CTNNA2: variants seen among roughly 807,000 people sequenced by gnomAD.
The protein encoded by CTNNA2 is catenin alpha-2.
A neutral mutation model predicts 101.0 loss-of-function variants in CTNNA2; 42 were observed. The ratio of observed to expected loss-of-function variants is 0.42; its 90% CI spans 0.32 to 0.54. CTNNA2 has a LOEUF of 0.54. CTNNA2 is among the 20% of genes least tolerant of loss of function. The probability of loss-of-function intolerance (pLI) is 0.14; values close to 1 mark genes in which losing one functional copy is unlikely to be tolerated. For synonymous variants in CTNNA2, 450 were observed against 456.4 expected (o/e 0.99, Z 0.18); for missense variants, 871 against 1,223.1 (o/e 0.71, Z 4.29).
chr2:80,414,889 A>C (rs1679904751), intron 8 of CTNNA2, among the ~76,000 whole-genome samples: 1 of 152,092 alleles, frequency 6.6e-6, no homozygotes, highest in Admixed American at 6.6e-5. Flanking sequence ...CATCTTACTA[A>C]AATGCAGATT....
chr2:79,371,943 G>A (rs181167426), intron 3 of CTNNA2, among the ~76,000 whole-genome samples: 1 of 152,252 alleles, frequency 6.6e-6, no homozygotes. Flanking sequence ...TTGTCAAGAT[G>A]ATCTGGAAGA....
intron 12 of CTNNA2, among the ~76,000 whole-genome samples, chr2:80,560,248 A>T (rs1163464027): frequency 6.6e-6 from 1 of 152,054 alleles, no homozygotes; most frequent in Non-Finnish European, 1.5e-5. Flanking sequence ...CAACATTTCT[A>T]TATATTTTTG....
chr2:79,331,751 A>C (rs1274698279), intron 3 of CTNNA2, among the ~76,000 whole-genome samples: 1 of 152,184 alleles, frequency 6.6e-6, no homozygotes. Context: ...CCACAACCCT[A>C]CATATAAAAG....
chr2:80,459,111 C>A (rs771320354), intron 9 of CTNNA2, among the ~76,000 whole-genome samples: 1 of 152,070 alleles, frequency 6.6e-6, no homozygotes, highest in Non-Finnish European at 1.5e-5. Flanking sequence ...TAGGCTATAC[C>A]GTATAGCCTA....
At chr2:80,608,026 C>T (rs1221027137) in intron 16 of CTNNA2, among the ~76,000 whole-genome samples, 158 bp from the exon 17 acceptor site, 1 of 151,856 alleles carries the variant, frequency 6.6e-6, no homozygotes, top group Non-Finnish European at 1.5e-5. Flanking sequence ...AAACTACAGT[C>T]TGTGGCCTTT....
intron 7 of CTNNA2, among the ~76,000 whole-genome samples, chr2:80,025,164 T>A (rs1215327299): frequency 6.6e-6 from 1 of 151,992 alleles, no homozygotes; most frequent in Non-Finnish European, 1.5e-5. Flanking sequence ...GAGCTTGGGG[T>A]TTTTATGGGT....
At chr2:80,492,605 C>T (rs1457751584) in intron 9 of CTNNA2, among the ~76,000 whole-genome samples, 4 of 152,186 alleles carry the variant, frequency 2.6e-5, no homozygotes, top group Non-Finnish European at 4.4e-5. Context: ...CATACAGAGC[C>T]TTTGATGGCC....
At chr2:79,338,102 G>T (rs896787092) in intron 3 of CTNNA2, among the ~76,000 whole-genome samples, 2 of 151,856 alleles carry the variant, frequency 1.3e-5, no homozygotes, top group Non-Finnish European at 2.9e-5. Flanking sequence ...AAAAAAATTA[G>T]CTGGGTATGG....
At chr2:80,486,395 A>G (rs1435355784) in intron 9 of CTNNA2, among the ~76,000 whole-genome samples, 1 of 152,208 alleles carries the variant, frequency 6.6e-6, no homozygotes, top group Admixed American at 6.5e-5. Context: ...GAGATATAGT[A>G]TTCTCCAGTA....
At chr2:80,098,777 G>A (rs1202344832) in intron 7 of CTNNA2, among the ~76,000 whole-genome samples, 3 of 152,212 alleles carry the variant, frequency 2.0e-5, no homozygotes, top group Admixed American at 6.5e-5. Context: ...CAATGAGGGA[G>A]GCTTCGTGGG....
intron 2 of CTNNA2, among the ~76,000 whole-genome samples, chr2:79,295,513 T>C (rs1206957993): frequency 6.6e-6 from 1 of 151,978 alleles, no homozygotes; most frequent in Non-Finnish European, 1.5e-5. Context: ...TCTTTTTCTT[T>C]CTTTCTTTCT....
At chr2:79,982,218 A>G (rs614883) in intron 7 of CTNNA2, among the ~76,000 whole-genome samples, 980 of 40,364 alleles carry the variant, frequency 0.024, 65 homozygotes, top group African/African-American at 0.058. Flanking sequence ...ATATATATAT[A>G]TATATATATA....
At chr2:79,602,814 TA>T (rs1272046519) in intron 1 of CTNNA2, among the ~76,000 whole-genome samples, 2 of 152,052 alleles carry the variant, frequency 1.3e-5, no homozygotes, top group South Asian at 2.1e-4. Context: ...AAGTAACAGC[TA>T]AATAAATAAG....
intron 7 of CTNNA2, among the ~76,000 whole-genome samples, chr2:80,211,190 T>C (rs952838970): frequency 6.6e-6 from 1 of 152,198 alleles, no homozygotes; most frequent in African/African-American, 2.4e-5. Context: ...AATGATAGTT[T>C]CTTTTGCTGT....
intron 6 of CTNNA2, among the ~76,000 whole-genome samples, chr2:79,897,709 A>G (rs1306460790): frequency 1.3e-5 from 2 of 152,220 alleles, no homozygotes; most frequent in African/African-American, 4.8e-5. Flanking sequence ...TTGTGCTTCT[A>G]AAACCAAATA....
rs543248041 is a variant in CTNNA2, at chr2:79,685,426, GAGA to G, written c.102+33769_102+33771del. On this transcript the variant is annotated intron_variant, in intron 2 of 18. Coordinates refer to ENST00000402739, the MANE Select transcript of CTNNA2 (RefSeq NM_001282597.3). ...TGATTATCTTAACTGACTCAAATGA[GAGA>G]TAGAAGTTTCTTTTACTCCTACACG... 4.3e-3 allele frequency among the ~76,000 whole-genome samples: 659 copies of G among 152,246 alleles called. 4 individuals are homozygous for G. The highest frequency in any genetic ancestry group is 0.015 in the African/African-American group (628 of 41,544).
At chr2:80,165,014 A>T (rs1704581582) in intron 7 of CTNNA2, among the ~76,000 whole-genome samples, 1 of 142,842 alleles carries the variant, frequency 7.0e-6, no homozygotes, top group Non-Finnish European at 1.5e-5. Context: ...GGTGTGCCTT[A>T]ATAGGGATTT....
chr2:80,514,378 G>A (rs910147074), intron 9 of CTNNA2, among the ~76,000 whole-genome samples: 12 of 152,116 alleles, frequency 7.9e-5, no homozygotes, highest in East Asian at 1.9e-4. Context: ...TCCTCTGTTC[G>A]TGGACAGTGG....
chr2:80,574,103 T>A, intron 12 of CTNNA2, 60 bp from the exon 13 acceptor site: 1 of 1,547,100 alleles, frequency 6.5e-7, no homozygotes, highest in South Asian at 1.2e-5. Flanking sequence ...GCCCAAGAGC[T>A]GGAATAAGAG....
Sources: gnomAD v4.1 joint callset for allele counts (sites outside exome capture counted in the v4.1 genomes callset) on GRCh38, gnomAD v4.1.1 for gene constraint, MANE v1.5 for transcripts, NCBI Gene and HGNC (gene_info 2026-07-23, HGNC 2026-07-21) for gene names.